The following PCDHGA8 variants were observed in gnomAD, a reference collection of about 807,000 sequenced individuals.
PCDHGA8 encodes protocadherin gamma subfamily A, 8.
Under a neutral mutation model 59.2 loss-of-function variants are expected in PCDHGA8, and 45 were observed. That is an observed-to-expected ratio of 0.76 (90% CI 0.60 to 0.98). PCDHGA8 has a LOEUF of 0.98. Among genes scored for constraint, PCDHGA8 ranks in the 50% least tolerant of loss-of-function variants. The probability of loss-of-function intolerance (pLI) is 0.00; values close to 1 mark genes in which losing one functional copy is unlikely to be tolerated. For missense variants in PCDHGA8, 1,257 were observed against 1,196.2 expected (o/e 1.05, Z -0.75); for synonymous variants, 531 against 519.0 (o/e 1.02, Z -0.32).
chr5:141,393,683 G>T lies in PCDHGA8; in HGVS notation c.870G>T (p.Pro290=), dbSNP rs370409157. ...GGAAAATTAATGAAAAACAAACTCC[G>T]TTATTCCAGCTTAATGAAAATACTG... ...KFRKINEKQT[P]LFQLNENTGE... Residue 290 remains proline, a synonymous_variant, in exon 1 of 4, where the codon CCG becomes CCT. Transcript: ENST00000398604. The T allele has an allele frequency of 2.1e-5, 34 of 1,613,732 alleles. 1 individual carries two copies. The South Asian group carries it at 3.7e-4, about 18-fold the overall frequency.
intron 1 of PCDHGA8, chr5:141,427,993 C>G: frequency 6.3e-7 from 1 of 1,599,460 alleles, no homozygotes; most frequent in South Asian, 1.1e-5. Flanking sequence ...CCCGATGGCT[C>G]CGCACTCTTC....
intron 1 of PCDHGA8, chr5:141,421,393 G>A: frequency 6.2e-7 from 1 of 1,614,038 alleles, no homozygotes; most frequent in Non-Finnish European, 8.5e-7. Flanking sequence ...CCTGGGGCTG[G>A]AGCCCCGGGA....
Position 141,490,121 on chromosome 5 carries a change from G to A in PCDHGA8, c.2425-4686G>A. On this transcript the variant is annotated intron_variant, in intron 1 of 3. Coordinates refer to ENST00000398604, the MANE Select transcript of PCDHGA8 (RefSeq NM_032088.2). The surrounding 1 kb of genome is among the most constrained non-coding windows in gnomAD (Gnocchi z 5.4). Reference sequence around the variant, plus strand: ...TCTGAGGCAGTGCGGAACCTCTTTGGCCTAGACCCTAGCAGTGGGGCAATC... The same window carrying A: ...TCTGAGGCAGTGCGGAACCTCTTTGACCTAGACCCTAGCAGTGGGGCAATC... 1 of 1,614,256 alleles carries A rather than the reference G, an allele frequency of 6.2e-7. No individual in the cohort carries two copies. Among genetic ancestry groups the A allele is most frequent in the Non-Finnish European group, 8.5e-7 (1 of 1,180,052 alleles).
Position 141,431,534 on chromosome 5 carries a change from A to G in PCDHGA8, c.2424+36297A>G, listed in dbSNP as rs1331176313. Reference sequence around the variant, plus strand: ...CGTTCCGGAGAATCTGGCCTTGGGCACGCAGCTGCTTGTAGTCAACGCTAC... The same window carrying G: ...CGTTCCGGAGAATCTGGCCTTGGGCGCGCAGCTGCTTGTAGTCAACGCTAC... On this transcript the variant is annotated intron_variant, in intron 1 of 3. Coordinates refer to ENST00000398604, the MANE Select transcript of PCDHGA8 (RefSeq NM_032088.2). This position sits in a 1 kb window ranked among gnomAD's most constrained non-coding sequence, Gnocchi z 4.8. The G allele has an allele frequency of 1.2e-6, 2 of 1,614,110 alleles. No individual in the cohort carries two copies. The highest frequency in any genetic ancestry group is 8.5e-7 in the Non-Finnish European group (1 of 1,180,042).
chr5:141,506,935 G>A (rs1375246477), intron 3 of PCDHGA8, among the ~76,000 whole-genome samples: 3 of 152,116 alleles, frequency 2.0e-5, no homozygotes, highest in African/African-American at 7.2e-5. Context: ...AACTTTAGGG[G>A]CCTCCTGTCA....
chr5:141,477,898 AG>A lies in PCDHGA8; in HGVS notation c.2425-16907del. The stretch of plus-strand genomic sequence containing the variant: ...CTGGCCACCTAGTGTCACGGGTGGT[AG>A]GCTGGGACGCGGATGCAGGGCACAA... On this transcript the variant is annotated intron_variant, in intron 1 of 3. Coordinates refer to ENST00000398604, the MANE Select transcript of PCDHGA8 (RefSeq NM_032088.2). The surrounding 1 kb of genome is among the most constrained non-coding windows in gnomAD (Gnocchi z 4.9). The A allele has an allele frequency of 6.2e-7, 1 of 1,614,158 alleles. No individual in the cohort carries two copies. Among genetic ancestry groups the A allele is most frequent in the Non-Finnish European group, 8.5e-7 (1 of 1,180,036 alleles).
chr5:141,487,831 A>T lies in PCDHGA8; in HGVS notation c.2425-6976A>T. 2 of 1,144,322 alleles carry T rather than the reference A, an allele frequency of 1.7e-6. No individual in the cohort carries two copies. Among genetic ancestry groups the T allele is most frequent in the Non-Finnish European group, 2.4e-6 (2 of 818,294 alleles). 70.9% of individuals were successfully genotyped at this position (1,144,322 alleles called of 1,614,324 possible). ...TTAGCATTGGGGGCGGGTCATGCCT[A>T]TATCTGAGTAAGAAATGAAAGTAAT... On this transcript the variant is annotated intron_variant, in intron 1 of 3. Transcript: ENST00000398604. The surrounding 1 kb of genome is among the most constrained non-coding windows in gnomAD (Gnocchi z 5.0).
intron 1 of PCDHGA8, chr5:141,396,285 A>G (rs996354546): frequency 1.3e-5 from 2 of 152,164 alleles, no homozygotes; most frequent in African/African-American, 4.8e-5. Context: ...ATGCCACTGC[A>G]CTCCAGCCTA....
rs3074545 is a variant in PCDHGA8, at chr5:141,482,530, C to CAAAAAAA, written c.2425-12264_2425-12258dup. On this transcript the variant is annotated intron_variant, in intron 1 of 3. Coordinates refer to ENST00000398604, the MANE Select transcript of PCDHGA8 (RefSeq NM_032088.2). ...CAGAGTACAGTATGAGACAGACATG[C>CAAAAAAA]AAAAAAAAAAAAAAAAAAAGATAAT... Among the ~76,000 whole-genome samples the CAAAAAAA allele has an allele frequency of 6.5e-4, 50 of 76,534 alleles. 2 individuals are homozygous for CAAAAAAA. The highest frequency in any genetic ancestry group is 1.7e-3 in the African/African-American group (35 of 20,860). 50.2% of individuals were successfully genotyped at this position (76,534 alleles called of 152,430 possible).
rs768648952 is a variant in PCDHGA8, at chr5:141,477,230, G to T, written c.2425-17577G>T. 14 of 1,614,046 alleles carry T rather than the reference G, an allele frequency of 8.7e-6. No homozygotes were observed. The highest frequency in any genetic ancestry group is 4.0e-5 in the African/African-American group (3 of 74,916). On this transcript the variant is annotated intron_variant, in intron 1 of 3. Transcript: ENST00000398604. The surrounding 1 kb of genome is among the most constrained non-coding windows in gnomAD (Gnocchi z 4.9). Reference sequence around the variant, plus strand: ...GGATGCCCCTCTGGGGACTGTCATCGCTTTGCTCAGTGTGACTGACCTGGA... The same window carrying T: ...GGATGCCCCTCTGGGGACTGTCATCTCTTTGCTCAGTGTGACTGACCTGGA...
intron 1 of PCDHGA8, among the ~76,000 whole-genome samples, chr5:141,437,721 A>G (rs2097904045): frequency 6.6e-6 from 1 of 151,664 alleles, no homozygotes; most frequent in African/African-American, 2.4e-5. Flanking sequence ...TTACCCTCTA[A>G]TGTTACACTT....
intron 1 of PCDHGA8, chr5:141,426,867 G>C (rs1436078091): frequency 2.2e-6 from 1 of 456,590 alleles, no homozygotes; most frequent in African/African-American, 2.0e-5. Flanking sequence ...ATTAGTGCTG[G>C]AGAAGCCCCT....
At chr5:141,464,189 C>T (rs1215955823) in intron 1 of PCDHGA8, among the ~76,000 whole-genome samples, 1 of 150,620 alleles carries the variant, frequency 6.6e-6, no homozygotes, top group Non-Finnish European at 1.5e-5. Context: ...TGCTTGATTT[C>T]AGGAGGCGGA....
At chr5:141,427,378 C>T in intron 1 of PCDHGA8, 1 of 458,520 alleles carries the variant, frequency 2.2e-6, no homozygotes, top group Non-Finnish European at 4.4e-6. Context: ...ACGGTGATCA[C>T]TCTGTTCAAA....
chr5:141,458,249 GCT>G (rs1291613361), intron 1 of PCDHGA8, among the ~76,000 whole-genome samples: 1 of 152,136 alleles, frequency 6.6e-6, no homozygotes, highest in African/African-American at 2.4e-5. Flanking sequence ...AAATGATACG[GCT>G]CTGATGAGTG....
intron 1 of PCDHGA8, chr5:141,409,877 G>A: frequency 6.2e-7 from 1 of 1,612,860 alleles, no homozygotes; most frequent in Non-Finnish European, 8.5e-7. Context: ...CAATGACAAC[G>A]CACCGCGGGT....
At chr5:141,417,680 A>G (rs1236124418) in intron 1 of PCDHGA8, 21 of 1,016,072 alleles carry the variant, frequency 2.1e-5, no homozygotes, top group Non-Finnish European at 2.9e-5. Context: ...AGCCAACAAC[A>G]GAAAAGAAAA....
At chr5:141,430,936 C>T (rs2097327732) in intron 1 of PCDHGA8, 4 of 1,606,984 alleles carry the variant, frequency 2.5e-6, no homozygotes, top group Admixed American at 3.4e-5. Flanking sequence ...CCCGGGAGCT[C>T]GCGGAGCGCG....
chr5:141,481,970 A>G (rs2099549884), intron 1 of PCDHGA8, among the ~76,000 whole-genome samples: 1 of 151,510 alleles, frequency 6.6e-6, no homozygotes, highest in Non-Finnish European at 1.5e-5. Flanking sequence ...CTGTAGTCAC[A>G]GCTACTTGGG....
Sources: allele counts gnomAD v4.1 joint callset (sites outside exome capture counted in the v4.1 genomes callset), GRCh38; gene constraint gnomAD v4.1.1; non-coding constraint Gnocchi (gnomAD v3.1); transcripts MANE v1.5; gene names NCBI Gene and HGNC (gene_info 2026-07-23, HGNC 2026-07-21).